RARG: variants seen among roughly 807,000 people sequenced by gnomAD.
RARG encodes the protein retinoic acid receptor gamma.
In RARG, 17 loss-of-function variants were observed where a neutral mutation model predicts 43.7. The ratio of observed to expected loss-of-function variants is 0.39; its 90% CI spans 0.27 to 0.58. RARG has a LOEUF of 0.58. Ranked by LOEUF, RARG falls within the 20% of genes least tolerant of loss-of-function variation. The pLI, the probability that RARG is intolerant of heterozygous loss-of-function variation, is 0.57. For missense variants in RARG, 346 were observed against 598.7 expected (o/e 0.58, Z 4.40); for synonymous variants, 238 against 236.4 (o/e 1.01, Z -0.06).
Position 53,215,504 on chromosome 12 carries a change from G to T in RARG, c.334-70C>A. On this transcript the variant is annotated intron_variant, in intron 4 of 9. Transcript: ENST00000425354. This position sits in a 1 kb window ranked among gnomAD's most constrained non-coding sequence, Gnocchi z 6.4. ...GGAGTACCAGCCTCTCACTGGCCTT[G>T]CAGGTTGCCCCAAGCCTGACCTAAT... The T allele has an allele frequency of 6.2e-7, 1 of 1,603,576 alleles. No homozygotes were observed.
chr12:53,214,247 A>C lies in RARG; in HGVS notation c.637-12T>G, dbSNP rs1427052079. On this transcript the variant is annotated splice_polypyrimidine_tract_variant and intron_variant, in intron 6 of 9. Transcript: ENST00000425354. Reference sequence around the variant, plus strand: ...TCTGCACTGGAGTTCTGCAGAGGGGAGGGGTAGAAGGTTGGAAGGCAAGCT... The same window carrying C: ...TCTGCACTGGAGTTCTGCAGAGGGGCGGGGTAGAAGGTTGGAAGGCAAGCT... 2 of 1,609,142 alleles carry C rather than the reference A, an allele frequency of 1.2e-6. No individual in the cohort carries two copies. Among genetic ancestry groups the C allele is most frequent in the East Asian group, 4.5e-5 (2 of 44,856 alleles).
At chr12:53,226,766 T>C (rs1368680106) in intron 3 of RARG, among the ~76,000 whole-genome samples, 3 of 151,182 alleles carry the variant, frequency 2.0e-5, no homozygotes, top group Admixed American at 6.6e-5. Flanking sequence ...TGTGCGCCAC[T>C]ACGCCCAGCT....
intron 3 of RARG, among the ~76,000 whole-genome samples, chr12:53,222,077 G>A (rs1942983223): frequency 6.6e-6 from 1 of 152,036 alleles, no homozygotes; most frequent in African/African-American, 2.4e-5. Context: ...AGGAAACCTC[G>A]GGGTGGCAAG....
In RARG at chr12:53,214,108, C is replaced by G; in HGVS notation, c.764G>C (p.Ser255Thr). 6.2e-7 allele frequency: 1 copy of G among 1,614,096 alleles called. No individual in the cohort carries two copies. Among genetic ancestry groups the G allele is most frequent in the Middle Eastern group, 1.6e-4 (1 of 6,062 alleles). ...GAGCAGAGTGATCTGGTCAGCAATGCTGAGCCCTGTAAAGCCAGGCAACCG... is the reference window on the plus strand; with the variant it reads ...GAGCAGAGTGATCTGGTCAGCAATGGTGAGCCCTGTAAAGCCAGGCAACCG... ...AKRLPGFTGL[S>T]IADQITLLKA... The change falls in exon 7 of 10, where the codon AGC becomes ACC. Residue 255 changes from serine to threonine, a missense_variant. By Grantham distance (58) the Ser-to-Thr change is moderately conservative. Coordinates refer to ENST00000425354, the MANE Select transcript of RARG (RefSeq NM_000966.6).
chr12:53,226,731 C>T (rs1359670717), intron 3 of RARG, among the ~76,000 whole-genome samples: 1 of 152,014 alleles, frequency 6.6e-6, no homozygotes, highest in Non-Finnish European at 1.5e-5. Flanking sequence ...CGTGCCTCAG[C>T]CTCCCAAGTA....
rs776455132 is a variant in RARG at position 53,211,684 on chromosome 12, G to A, written c.1357C>T (p.Pro453Ser). ...GAGGTCAGGGGCCCTGGTCAGGCTG[G>A]GGACTTCAGGCCCCCTTTGCCCTGG... is the stretch of plus-strand genomic sequence containing the variant. ...GGQGKGGLKSPA is the reference protein window; with the variant it reads ...GGQGKGGLKSSA The change falls in exon 10 of 10, where the codon CCA (proline) becomes TCA (serine). Residue 453 changes from proline (P) to serine (S), a missense_variant. Around this residue, in one of 8 missense-constraint regions of RARG, gnomAD observed 40 missense variants for 44.6 expected, o/e 0.90. Transcript: ENST00000425354. This position sits in a 1 kb window ranked among gnomAD's most constrained non-coding sequence, Gnocchi z 4.6. 13 of 1,521,578 alleles carry A rather than the reference G, an allele frequency of 8.5e-6. No individual in the cohort carries two copies. In the Middle Eastern group the frequency reaches 6.3e-4, roughly 73 times the overall value. 94.3% of individuals were successfully genotyped at this position (1,521,578 alleles called of 1,614,324 possible). A position where few individuals can be genotyped will look rare whatever the true frequency, so the allele number is the denominator to read the frequency against.
chr12:53,217,752 T>G (rs1236756109), intron 3 of RARG, among the ~76,000 whole-genome samples: 1 of 152,122 alleles, frequency 6.6e-6, no homozygotes, highest in East Asian at 1.9e-4. Flanking sequence ...CTGGGGAGGA[T>G]GGGGGTGGGC....
intron 3 of RARG, among the ~76,000 whole-genome samples, chr12:53,225,818 G>C (rs1478094039): frequency 6.6e-6 from 1 of 152,210 alleles, no homozygotes; most frequent in Non-Finnish European, 1.5e-5. Flanking sequence ...GCTGCTGTCA[G>C]CACTCAAAGG....
In RARG at chr12:53,215,902, A is replaced by C; in HGVS notation, c.185-108T>G. 8.2e-7 allele frequency: 1 copy of C among 1,213,932 alleles called. No individual in the cohort carries two copies. The highest frequency in any genetic ancestry group is 1.1e-6 in the Non-Finnish European group (1 of 893,150). 75.2% of individuals were successfully genotyped at this position (1,213,932 alleles called of 1,614,324 possible). The stretch of plus-strand genomic sequence containing the variant: ...GCATTTGTTCCTTGGCCCACTGGTG[A>C]CAGCCATCACTACCACAGTGCACTA... On this transcript the variant is annotated intron_variant, in intron 3 of 9. Coordinates refer to ENST00000425354, the MANE Select transcript of RARG (RefSeq NM_000966.6). This position sits in a 1 kb window ranked among gnomAD's most constrained non-coding sequence, Gnocchi z 6.4.
intron 1 of RARG, among the ~76,000 whole-genome samples, chr12:53,231,723 C>T (rs372421385): frequency 9.2e-5 from 14 of 152,254 alleles, no homozygotes; most frequent in African/African-American, 3.4e-4. Flanking sequence ...CAAATGCTGT[C>T]CTCTGCTATG....
Position 53,213,708 on chromosome 12 carries a change from T to G in RARG, c.814-8A>C, listed in dbSNP as rs769917845. ...TGTGCAGATACGCAGCATCTGGAGGTGGGGGGTGGAGGAGGGTTAGTGCTG... is the reference window on the plus strand; with the variant it reads ...TGTGCAGATACGCAGCATCTGGAGGGGGGGGGTGGAGGAGGGTTAGTGCTG... On this transcript the variant is annotated splice_region_variant and splice_polypyrimidine_tract_variant and intron_variant, in intron 7 of 9. Coordinates refer to ENST00000425354, the MANE Select transcript of RARG (RefSeq NM_000966.6). This position sits in a 1 kb window ranked among gnomAD's most constrained non-coding sequence, Gnocchi z 4.7. 4.2e-5 allele frequency: 67 copies of G among 1,576,500 alleles called. 1 individual carries two copies. In the South Asian group the frequency reaches 6.2e-4, roughly 15 times the overall value.
In RARG at chr12:53,213,431, A is replaced by T; in HGVS notation, c.1018+65T>A. The stretch of plus-strand genomic sequence containing the variant: ...GTCCTCCACGCCCCCTCCCAGACAG[A>T]TTCCGCATGGAGTGGTGGGAAAGGA... On this transcript the variant is annotated intron_variant, in intron 8 of 9. Transcript: ENST00000425354. The surrounding 1 kb of genome is among the most constrained non-coding windows in gnomAD (Gnocchi z 4.7). The T allele has an allele frequency of 6.4e-7, 1 of 1,566,880 alleles. No homozygotes were observed. The highest frequency in any genetic ancestry group is 8.7e-7 in the Non-Finnish European group (1 of 1,143,656).
intron 3 of RARG, among the ~76,000 whole-genome samples, chr12:53,222,134 C>T (rs1942984855): frequency 6.6e-6 from 1 of 151,840 alleles, no homozygotes. Flanking sequence ...ATGCACTGCT[C>T]TTTCCAACCC....
intron 2 of RARG, among the ~76,000 whole-genome samples, chr12:53,230,359 C>A (rs1943201824): frequency 6.6e-6 from 1 of 151,978 alleles, no homozygotes; most frequent in Admixed American, 6.5e-5. Context: ...TTCCCTGTCG[C>A]CCTGCCCGCT....
intron 1 of RARG, 31 bp downstream of exon 1, chr12:53,231,943 G>A (rs1169003136): frequency 3.8e-5 from 15 of 395,342 alleles, no homozygotes; most frequent in Non-Finnish European, 4.5e-6. Context: ...AGGCGACGGG[G>A]CGGGCGAGCC....
intron 3 of RARG, chr12:53,220,322 C>T (rs1465419883): frequency 2.1e-6 from 3 of 1,397,262 alleles, no homozygotes; most frequent in Middle Eastern, 2.6e-4. Context: ...CCGCTTTAGC[C>T]TCCGTCCAGC....
At chr12:53,216,184 G>A (rs1202651733) in intron 3 of RARG, among the ~76,000 whole-genome samples, 2 of 152,144 alleles carry the variant, frequency 1.3e-5, no homozygotes, top group Non-Finnish European at 2.9e-5. Flanking sequence ...GAGCTCTCTA[G>A]TCACTCTCTG....
rs1592422713 is a variant in RARG, at chr12:53,211,495, T to A, written c.*181A>T. The A allele has an allele frequency of 1.9e-5, 10 of 515,710 alleles. 1 individual carries two copies. In the South Asian group the frequency reaches 3.3e-4, roughly 17 times the overall value. 31.9% of individuals were successfully genotyped at this position (515,710 alleles called of 1,614,324 possible). ...CCCCCGGGACTGGCGAGGGAGCCGGTTAGATCAGGAAGGGGATGAACACAG... is the reference window on the plus strand; with the variant it reads ...CCCCCGGGACTGGCGAGGGAGCCGGATAGATCAGGAAGGGGATGAACACAG... On this transcript the variant is annotated 3_prime_UTR_variant, in exon 10 of 10. Coordinates refer to ENST00000425354, the MANE Select transcript of RARG (RefSeq NM_000966.6). This position sits in a 1 kb window ranked among gnomAD's most constrained non-coding sequence, Gnocchi z 4.6.
In RARG at chr12:53,213,771, G is replaced by C; in HGVS notation, c.814-71C>G. ...GGGGAAAAGAGGGAATGAGTGGAAA[G>C]TGAGGAGGTTAGGTCCCCAGTGAGT... On this transcript the variant is annotated intron_variant, in intron 7 of 9. Transcript: ENST00000425354. The surrounding 1 kb of genome is among the most constrained non-coding windows in gnomAD (Gnocchi z 4.7). 2.0e-6 allele frequency: 3 copies of C among 1,464,656 alleles called. No individual in the cohort carries two copies. The highest frequency in any genetic ancestry group is 2.8e-6 in the Non-Finnish European group (3 of 1,058,892). The allele number at this position is 1,464,656 out of a possible 1,614,324, so 90.7% of individuals were successfully genotyped here.
Sources: allele counts gnomAD v4.1 joint callset (sites outside exome capture counted in the v4.1 genomes callset), GRCh38; gene constraint gnomAD v4.1.1; regional missense constraint gnomAD v4.1.1; non-coding constraint Gnocchi (gnomAD v3.1); transcripts MANE v1.5; gene names NCBI Gene and HGNC (gene_info 2026-07-23, HGNC 2026-07-21).